The following DMD variants were observed in gnomAD, a reference collection of about 807,000 sequenced individuals.
DMD encodes dystrophin.
DMD carries 63 observed loss-of-function variants against 330.1 expected under a neutral mutation model. The ratio of observed to expected loss-of-function variants is 0.19; its 90% CI spans 0.16 to 0.24. The LOEUF is 0.24. DMD is among the 10% of genes least tolerant of loss of function. The probability of loss-of-function intolerance (pLI) is 1.00; values close to 1 mark genes in which losing one functional copy is unlikely to be tolerated. For missense variants in DMD, 3,344 were observed against 2,684.1 expected, an observed-to-expected ratio of 1.25 and a Z score of -5.43; for synonymous variants, 1,223 against 959.8, an observed-to-expected ratio of 1.27 and a Z score of -5.07.
intron 25 of DMD, among the ~76,000 whole-genome samples, chrX:32,456,659 T>C (rs1321120007): frequency 2.8e-5 from 3 of 105,773 alleles, no homozygotes; most frequent in Non-Finnish European, 2.0e-5. Flanking sequence ...TGGTGAGATA[T>C]TGTTGGATCC....
At chrX:33,290,098 T>A (rs754488608) in intron 1 of DMD, among the ~76,000 whole-genome samples, 2 of 111,878 alleles carry the variant, frequency 1.8e-5, no homozygotes, top group East Asian at 5.6e-4. Flanking sequence ...AAACTTCTCT[T>A]GTCAGAACTT....
At chrX:32,759,604 C>T (rs138153945) in intron 7 of DMD, among the ~76,000 whole-genome samples, 1,243 of 111,569 alleles carry the variant, frequency 0.011, 21 homozygotes, top group African/African-American at 0.039. Context: ...CATATCCAAA[C>T]AGAAGAACTA....
rs180679835 is a variant in DMD, at chrX:32,346,181, C to T, written c.5449-101G>A. The T allele has an allele frequency of 2.2e-5, 21 of 943,231 alleles. No individual in the cohort carries two copies. In the African/African-American group the frequency reaches 3.1e-4, roughly 14 times the overall value. The allele number at this position is 943,231 out of a possible 1,213,427, so 77.7% of individuals were successfully genotyped here. A position where few individuals can be genotyped will look rare whatever the true frequency, so the allele number is the denominator to read the frequency against. On this transcript the variant is annotated intron_variant, in intron 38 of 78. Transcript: ENST00000357033. ...ATGTTATTTAAACACACACAAAAATCCAATTTAAAACTTTCATGGAATGCT... is the reference window on the plus strand; with the variant it reads ...ATGTTATTTAAACACACACAAAAATTCAATTTAAAACTTTCATGGAATGCT...
intron 63 of DMD, among the ~76,000 whole-genome samples, chrX:31,238,825 T>C (rs1201712463): frequency 1.8e-5 from 2 of 111,367 alleles, no homozygotes; most frequent in African/African-American, 3.3e-5. Flanking sequence ...GCAGAGGGTA[T>C]GGGGTGAGGC....
chrX:32,072,715 A>G (rs1007347580), intron 44 of DMD, among the ~76,000 whole-genome samples: 2 of 111,964 alleles, frequency 1.8e-5, no homozygotes, highest in African/African-American at 6.5e-5. Flanking sequence ...GTAATTCCTT[A>G]ATAGAAACCT....
chrX:31,349,479 T>G (rs928692713), intron 60 of DMD, among the ~76,000 whole-genome samples: 1 of 112,248 alleles, frequency 8.9e-6, no homozygotes, highest in Admixed American at 9.4e-5. Context: ...TGGGATAAAA[T>G]AGGGTGGGTA....
intron 52 of DMD, among the ~76,000 whole-genome samples, chrX:31,692,486 T>G (rs1289343687): frequency 1.8e-5 from 2 of 111,267 alleles, no homozygotes; most frequent in Non-Finnish European, 3.8e-5. Flanking sequence ...TAAAAGTTGG[T>G]TTTTTGAAAA....
At chrX:31,587,308 C>A (rs914746067) in intron 55 of DMD, among the ~76,000 whole-genome samples, 2 of 111,771 alleles carry the variant, frequency 1.8e-5, no homozygotes, top group African/African-American at 6.5e-5. Context: ...ATACTTGATA[C>A]TTGCTAAGAG....
chrX:32,362,995 G>T lies in DMD; in HGVS notation c.5155-37C>A, dbSNP rs759398496. ...GAGCAAGAGATAGGACTTGAAGTTA[G>T]TAATTAATGAAGGTCAAGATAGAAA... On this transcript the variant is annotated intron_variant, in intron 36 of 78. Transcript: ENST00000357033. The T allele has an allele frequency of 3.5e-6, 4 of 1,159,240 alleles. No homozygotes were observed. The East Asian group carries it at 1.2e-4, about 35-fold the overall frequency.
At chrX:32,729,938 C>A (rs763755010) in intron 7 of DMD, among the ~76,000 whole-genome samples, 3 of 111,935 alleles carry the variant, frequency 2.7e-5, no homozygotes, top group Admixed American at 9.5e-5. Context: ...TCTATATGAC[C>A]ATGGTCCAGG....
chrX:32,209,697 C>T (rs1241353152), intron 44 of DMD, among the ~76,000 whole-genome samples: 5 of 111,076 alleles, frequency 4.5e-5, no homozygotes, highest in Non-Finnish European at 1.9e-5. Flanking sequence ...TAATTTCATG[C>T]TCTAAGAATG....
intron 7 of DMD, among the ~76,000 whole-genome samples, chrX:32,731,987 C>A (rs1439221839): frequency 9.0e-6 from 1 of 111,312 alleles, no homozygotes; most frequent in African/African-American, 3.3e-5. Context: ...ACATTCAAAC[C>A]AAAGGCAAAG....
intron 29 of DMD, among the ~76,000 whole-genome samples, chrX:32,415,444 C>G (rs1369323612): frequency 8.9e-6 from 1 of 111,914 alleles, no homozygotes; most frequent in African/African-American, 3.2e-5. Flanking sequence ...AGAATTCTTT[C>G]AACTAGTCAT....
intron 64 of DMD, among the ~76,000 whole-genome samples, chrX:31,219,773 A>G (rs1446877649): frequency 2.8e-5 from 3 of 108,949 alleles, no homozygotes; most frequent in Admixed American, 1.0e-4. Context: ...ATTTGATTGA[A>G]AAAAATCCAC....
intron 43 of DMD, among the ~76,000 whole-genome samples, chrX:32,273,018 T>G (rs149656501): frequency 0.11 from 11,772 of 111,146 alleles, 764 homozygotes; most frequent in African/African-American, 0.24. Flanking sequence ...AAATTCTCCA[T>G]TTCTCACATT....
At chrX:32,626,664 A>C (rs181378501) in intron 11 of DMD, among the ~76,000 whole-genome samples, 2 of 104,303 alleles carry the variant, frequency 1.9e-5, no homozygotes, top group East Asian at 5.7e-4. Flanking sequence ...CTATTAAGAA[A>C]GGTATTGGGG....
At chrX:31,372,007 A>T (rs1180768535) in intron 60 of DMD, among the ~76,000 whole-genome samples, 1 of 111,779 alleles carries the variant, frequency 8.9e-6, no homozygotes, top group East Asian at 2.8e-4. Context: ...ATTAAGGGAG[A>T]TAACGTATGT....
intron 29 of DMD, among the ~76,000 whole-genome samples, chrX:32,426,208 C>T (rs375223494): frequency 2.7e-5 from 3 of 111,515 alleles, no homozygotes; most frequent in Admixed American, 9.5e-5. Context: ...AACTACAGAA[C>T]GGGAGAAATA....
intron 42 of DMD, among the ~76,000 whole-genome samples, chrX:32,307,717 T>A (rs1461635338): frequency 1.8e-5 from 2 of 111,731 alleles, no homozygotes; most frequent in Non-Finnish European, 3.8e-5. Flanking sequence ...AATTTAAAAC[T>A]TACGATGCTA....
Sources: gnomAD v4.1 joint callset for allele counts (sites outside exome capture counted in the v4.1 genomes callset) on GRCh38, gnomAD v4.1.1 for gene constraint, MANE v1.5 for transcripts, NCBI Gene and HGNC (gene_info 2026-07-23, HGNC 2026-07-21) for gene names.